The following COL23A1 variants were observed in gnomAD, a reference collection of about 807,000 sequenced individuals.
COL23A1 encodes collagen type XXIII alpha 1 chain.
COL23A1 carries 97 observed loss-of-function variants against 99.3 expected under a neutral mutation model. The observed-to-expected ratio is 0.98, with a 90% CI of 0.83 to 1.16. COL23A1 has a LOEUF of 1.16. Ranked by LOEUF, COL23A1 falls within the 50% of genes most tolerant of loss-of-function variation. The pLI, the probability that COL23A1 is intolerant of heterozygous loss-of-function variation, is 0.00. For synonymous variants in COL23A1, 320 were observed against 308.2 expected, an observed-to-expected ratio of 1.04 and a Z score of -0.40; for missense variants, 762 against 757.4, an observed-to-expected ratio of 1.01 and a Z score of -0.07.
intron 2 of COL23A1, among the ~76,000 whole-genome samples, chr5:178,443,982 G>A (rs73336685): frequency 0.028 from 4,202 of 151,916 alleles, 196 homozygotes; most frequent in African/African-American, 0.095. Flanking sequence ...CAGGTGGATC[G>A]CTTGAGCCTG....
intron 7 of COL23A1, 76 bp from the exon 8 acceptor site, chr5:178,267,409 C>T (rs1019700427): frequency 1.1e-5 from 16 of 1,458,612 alleles, no homozygotes; most frequent in Non-Finnish European, 1.4e-5. Context: ...GCATCTGTGC[C>T]CAGTGCTTCA....
At chr5:178,391,327 A>G (rs112299966) in intron 2 of COL23A1, among the ~76,000 whole-genome samples, 5 of 152,372 alleles carry the variant, frequency 3.3e-5, no homozygotes, top group African/African-American at 9.6e-5. Flanking sequence ...ATGGCAGAAA[A>G]TATTTGCAAA....
chr5:178,478,385 C>T (rs1388939774), intron 2 of COL23A1, among the ~76,000 whole-genome samples: 8 of 152,194 alleles, frequency 5.3e-5, no homozygotes, highest in Non-Finnish European at 8.8e-5. Context: ...GAGTCCACTG[C>T]AGAGGAACTG....
intron 25 of COL23A1, among the ~76,000 whole-genome samples, chr5:178,244,002 C>T (rs1224204588): frequency 1.3e-5 from 2 of 152,088 alleles, no homozygotes; most frequent in African/African-American, 2.4e-5. Context: ...TTTTTTGAGA[C>T]GGAGTCTCAC....
intron 2 of COL23A1, among the ~76,000 whole-genome samples, chr5:178,552,128 TG>T: frequency 6.6e-6 from 1 of 152,266 alleles, no homozygotes; most frequent in South Asian, 2.1e-4. Flanking sequence ...GATCTCTCCT[TG>T]TAATTTCTGT....
At chr5:178,359,217 C>T (rs1762044445) in intron 2 of COL23A1, among the ~76,000 whole-genome samples, 1 of 152,168 alleles carries the variant, frequency 6.6e-6, no homozygotes, top group South Asian at 2.1e-4. Context: ...GGGTTGCTGC[C>T]AAGACGAAAT....
chr5:178,264,298 A>G (rs1478418302), intron 8 of COL23A1, among the ~76,000 whole-genome samples: 2 of 151,720 alleles, frequency 1.3e-5, no homozygotes, highest in Non-Finnish European at 2.9e-5. Context: ...GTTATTCACT[A>G]CAATTACATG....
At chr5:178,516,106 C>T (rs1487362429) in intron 2 of COL23A1, among the ~76,000 whole-genome samples, 1 of 152,180 alleles carries the variant, frequency 6.6e-6, no homozygotes, top group Non-Finnish European at 1.5e-5. Flanking sequence ...GCACCCTGGG[C>T]GTTCCACCTG....
At chr5:178,247,886 C>G (rs537101470) in intron 20 of COL23A1, 55 bp from the exon 21 acceptor site, 1 of 1,471,922 alleles carries the variant, frequency 6.8e-7, no homozygotes, top group East Asian at 2.3e-5. Flanking sequence ...CTCACCTACC[C>G]GCACCCGAGC....
chr5:178,275,762 C>T (rs184104869), intron 5 of COL23A1, among the ~76,000 whole-genome samples: 2 of 152,296 alleles, frequency 1.3e-5, no homozygotes, highest in East Asian at 1.9e-4. Context: ...GTCAGCTGGT[C>T]GGAAGGATCC....
At chr5:178,283,941 C>T (rs996130792) in intron 5 of COL23A1, among the ~76,000 whole-genome samples, 4 of 152,220 alleles carry the variant, frequency 2.6e-5, no homozygotes, top group Non-Finnish European at 4.4e-5. Context: ...GTGACTGGGC[C>T]TGATCCATCT....
chr5:178,416,088 C>A (rs1765291838), intron 2 of COL23A1, among the ~76,000 whole-genome samples: 1 of 151,300 alleles, frequency 6.6e-6, no homozygotes, highest in Non-Finnish European at 1.5e-5. Flanking sequence ...TCTAAACCCT[C>A]CCATTCATTC....
intron 2 of COL23A1, among the ~76,000 whole-genome samples, chr5:178,360,652 T>C (rs1762127611): frequency 6.6e-6 from 1 of 152,176 alleles, no homozygotes; most frequent in Non-Finnish European, 1.5e-5. Context: ...ACCTCCCTAT[T>C]TGGGTCATGA....
At chr5:178,267,862 G>C (rs926733431) in intron 7 of COL23A1, among the ~76,000 whole-genome samples, 1 of 152,234 alleles carries the variant, frequency 6.6e-6, no homozygotes, top group African/African-American at 2.4e-5. Flanking sequence ...AGAACATTGA[G>C]ACCATGACCT....
At chr5:178,381,108 T>G (rs373661473) in intron 2 of COL23A1, among the ~76,000 whole-genome samples, 1 of 152,236 alleles carries the variant, frequency 6.6e-6, no homozygotes, top group African/African-American at 2.4e-5. Context: ...CCACAGTCAC[T>G]GAAGTGGAGT....
At chr5:178,330,229 A>T (rs575147350) in intron 2 of COL23A1, among the ~76,000 whole-genome samples, 1 of 152,302 alleles carries the variant, frequency 6.6e-6, no homozygotes, top group African/African-American at 2.4e-5. Context: ...GGCTCAACTC[A>T]CACACGCACT....
chr5:178,510,532 C>T (rs186756645), intron 2 of COL23A1, among the ~76,000 whole-genome samples: 3 of 152,314 alleles, frequency 2.0e-5, no homozygotes, highest in Admixed American at 6.5e-5. Context: ...CAGAATGAGA[C>T]TCTGTCTCAA....
intron 2 of COL23A1, among the ~76,000 whole-genome samples, chr5:178,449,893 G>A (rs1767389422): frequency 6.6e-6 from 1 of 152,042 alleles, no homozygotes. Flanking sequence ...TTTCACCCAC[G>A]TTGGTCTAGT....
rs2113780078 is a variant in COL23A1, at chr5:178,589,965, G to A, written c.233C>T (p.Ala78Val). 3 of 1,328,498 alleles carry A rather than the reference G, an allele frequency of 2.3e-6. No homozygotes were observed. Among genetic ancestry groups the A allele is most frequent in the East Asian group, 6.3e-5 (2 of 31,766 alleles). The allele number at this position is 1,328,498 out of a possible 1,614,324, so 82.3% of individuals were successfully genotyped here. A position where few individuals can be genotyped will look rare whatever the true frequency, so the allele number is the denominator to read the frequency against. ...LEEERELLRR[A>V]GPPGALDAWA... ...GGCGTCCAGGGCGCCTGGCGGCCCCGCGCGCCGCAGCAGCTCCCGCTCCTC... is the reference window on the plus strand; with the variant it reads ...GGCGTCCAGGGCGCCTGGCGGCCCCACGCGCCGCAGCAGCTCCCGCTCCTC... The change falls in exon 1 of 29, where the codon GCG becomes GTG. Residue 78 changes from alanine to valine, a missense_variant. Ala to Val is a moderately conservative substitution (Grantham distance 64). Coordinates refer to ENST00000390654, the MANE Select transcript of COL23A1 (RefSeq NM_173465.4). This position sits in a 1 kb window ranked among gnomAD's most constrained non-coding sequence, Gnocchi z 5.4.
Sources: gnomAD v4.1 joint callset for allele counts (sites outside exome capture counted in the v4.1 genomes callset) on GRCh38, gnomAD v4.1.1 for gene constraint, Gnocchi (gnomAD v3.1) non-coding constraint, MANE v1.5 for transcripts, NCBI Gene and HGNC (gene_info 2026-07-23, HGNC 2026-07-21) for gene names.